Variants in MYO9B observed in about 807,000 individuals in gnomAD.
MYO9B encodes unconventional myosin-IXb.
In MYO9B, 71 loss-of-function variants were observed where a neutral mutation model predicts 229.5. That is an observed-to-expected ratio of 0.31 (90% confidence interval 0.26 to 0.38). The LOEUF (loss-of-function observed/expected upper bound fraction) is 0.38, where lower values mean the gene tolerates loss of function less well. MYO9B is among the 10% of genes least tolerant of loss of function. MYO9B has a pLI of 1.00. For synonymous variants in MYO9B, 1,185 were observed against 1,235.8 expected (o/e 0.96, Z 0.86); for missense variants, 2,255 against 2,920.5 (o/e 0.77, Z 5.25).
At position 17,200,398 on chromosome 19, in the gene MYO9B, A is replaced by C. The variant is rs769778528; in HGVS notation, c.4344A>C (p.Glu1448Asp). ...CAGTGTCCGGGCACGTGGTGCTGGA[A>C]GCCACCACCATGAAGAAGGGCCTGG... ...ENAVSGHVVLEATTMKKGLEA... is the reference protein window; with the variant it reads ...ENAVSGHVVLDATTMKKGLEA... The change falls in exon 25 of 40, where the codon GAA becomes GAC. Residue 1448 changes from glutamate to aspartate, a missense_variant. Glu to Asp is a conservative substitution (Grantham distance 45). Coordinates refer to ENST00000682292, the MANE Select transcript of MYO9B (RefSeq NM_004145.4). 8.8e-6 allele frequency: 14 copies of C among 1,592,656 alleles called. No individual in the cohort carries two copies. In the South Asian group the frequency reaches 1.5e-4, roughly 17 times the overall value.
At chr19:17,098,163 T>C (rs1348232263) in intron 1 of MYO9B, among the ~76,000 whole-genome samples, 1 of 151,508 alleles carries the variant, frequency 6.6e-6, no homozygotes, top group Admixed American at 6.6e-5. Context: ...CAAGCGATTC[T>C]CCTGCCTCAG....
intron 1 of MYO9B, among the ~76,000 whole-genome samples, chr19:17,094,303 G>A (rs1239699242): frequency 6.6e-6 from 1 of 152,052 alleles, no homozygotes; most frequent in African/African-American, 2.4e-5. Flanking sequence ...TCAAAGTACT[G>A]GAATTACAGG....
chr19:17,168,238 C>T (rs1254912151), intron 11 of MYO9B, among the ~76,000 whole-genome samples, 174 bp downstream of exon 11: 1 of 152,186 alleles, frequency 6.6e-6, no homozygotes, highest in Non-Finnish European at 1.5e-5. Context: ...AATCAAAGCT[C>T]ACTGCAGCCT....
intron 1 of MYO9B, among the ~76,000 whole-genome samples, chr19:17,085,891 A>G (rs1468782949): frequency 6.6e-6 from 1 of 152,046 alleles, no homozygotes; most frequent in African/African-American, 2.4e-5. Context: ...CTGCCCTTCC[A>G]GACCCGCGTC....
In MYO9B at chr19:17,195,192, C is replaced by T. The variant is rs1358643858; in HGVS notation, c.3765C>T (p.Ala1255=). 1.2e-6 allele frequency: 2 copies of T among 1,611,890 alleles called. No individual in the cohort carries two copies. The highest frequency in any genetic ancestry group is 1.7e-5 in the Admixed American group (1 of 59,868). Residue 1255 remains alanine, a synonymous_variant, in exon 22 of 40, where the codon GCC becomes GCT. Coordinates refer to ENST00000682292, the MANE Select transcript of MYO9B (RefSeq NM_004145.4). The surrounding 1 kb of genome is among the most constrained non-coding windows in gnomAD (Gnocchi z 4.5). ...AGTTGGAGCGGCCGACCAGCCTGGC[C>T]CTGGACAGCAGGGTCAGCCCACCGG... The part of the protein sequence containing the change: ...PGQLERPTSL[A]LDSRVSPPAP...
At chr19:17,205,167 G>T in intron 30 of MYO9B, 96 bp from the exon 31 acceptor site, 60 of 713,004 alleles carry the variant, frequency 8.4e-5, no homozygotes, top group Non-Finnish European at 1.2e-4. Flanking sequence ...AAAAAAAAAA[G>T]AAGGCAATTG....
At chr19:17,211,315 A>G (rs1433784276) in intron 38 of MYO9B, among the ~76,000 whole-genome samples, 1 of 152,012 alleles carries the variant, frequency 6.6e-6, no homozygotes, top group Non-Finnish European at 1.5e-5. Flanking sequence ...TCTGTCACCC[A>G]GGCTGGATTG....
chr19:17,183,957 TTCC>T, intron 16 of MYO9B, 89 bp downstream of exon 16: 1 of 1,254,736 alleles, frequency 8.0e-7, no homozygotes. Flanking sequence ...GCAACTTCAT[TTCC>T]TCCTCCTTCC....
intron 2 of MYO9B, among the ~76,000 whole-genome samples, chr19:17,142,312 A>G (rs901231078): frequency 3.3e-5 from 5 of 152,078 alleles, no homozygotes; most frequent in Non-Finnish European, 7.4e-5. Context: ...AGGGGAGGGA[A>G]ATGGGGAGGG....
intron 2 of MYO9B, among the ~76,000 whole-genome samples, chr19:17,138,350 G>A (rs995759702): frequency 1.3e-5 from 2 of 152,200 alleles, no homozygotes; most frequent in Middle Eastern, 3.4e-3. Context: ...GAATAGTGCC[G>A]CAGTAAACAT....
intron 13 of MYO9B, among the ~76,000 whole-genome samples, chr19:17,173,953 C>T (rs1446537009): frequency 1.3e-5 from 2 of 150,624 alleles, no homozygotes; most frequent in Non-Finnish European, 2.9e-5. Flanking sequence ...GGAAATAGTG[C>T]TCTGTTTTGG....
chr19:17,193,002 A>G lies in MYO9B; in HGVS notation c.3068A>G (p.His1023Arg). 1 of 1,505,092 alleles carries G rather than the reference A, an allele frequency of 6.6e-7. No individual in the cohort carries two copies. The highest frequency in any genetic ancestry group is 8.9e-7 in the Non-Finnish European group (1 of 1,121,498). 93.2% of individuals were successfully genotyped at this position (1,505,092 alleles called of 1,614,324 possible). A position where few individuals can be genotyped will look rare whatever the true frequency, so the allele number is the denominator to read the frequency against. Residue 1023 changes from histidine (H) to arginine (R), a missense_variant, in exon 21 of 40, where the codon CAC (histidine) becomes CGC (arginine). Transcript: ENST00000682292. The surrounding 1 kb of genome is among the most constrained non-coding windows in gnomAD (Gnocchi z 4.3). ...RGYWQRKLYR[H>R]QKQSIIRLQS... The stretch of plus-strand genomic sequence containing the variant: ...TACTGGCAGCGGAAGCTCTACCGGC[A>G]CCAGAAACAGAGCATCATCCGCCTG...
chr19:17,200,199 T>C, intron 24 of MYO9B, 94 bp from the exon 25 acceptor site: 1 of 1,457,348 alleles, frequency 6.9e-7, no homozygotes, highest in Non-Finnish European at 9.2e-7. Flanking sequence ...CAGGCATTGA[T>C]AGAGCATTTG....
chr19:17,152,433 C>A (rs2072488049), intron 3 of MYO9B, among the ~76,000 whole-genome samples: 1 of 136,780 alleles, frequency 7.3e-6, no homozygotes, highest in African/African-American at 2.6e-5. Context: ...TTGGCACACC[C>A]CTGTAGTTCC....
chr19:17,128,297 G>A (rs371126392), intron 2 of MYO9B, among the ~76,000 whole-genome samples: 5 of 152,006 alleles, frequency 3.3e-5, no homozygotes, highest in African/African-American at 1.2e-4. Flanking sequence ...AGTCTGAGGC[G>A]GGAGGATCGC....
At chr19:17,188,553 C>A (rs1344204727) in intron 19 of MYO9B, among the ~76,000 whole-genome samples, 2 of 152,094 alleles carry the variant, frequency 1.3e-5, no homozygotes, top group Admixed American at 1.3e-4. Flanking sequence ...CCCTTCATAG[C>A]CCCAGGGACT....
intron 1 of MYO9B, among the ~76,000 whole-genome samples, chr19:17,086,572 A>G: frequency 6.6e-6 from 1 of 152,162 alleles, no homozygotes; most frequent in Non-Finnish European, 1.5e-5. Context: ...CCTCGCCACA[A>G]GTGGTAACTT....
chr19:17,095,825 C>G (rs2057682611), intron 1 of MYO9B: 1 of 152,158 alleles, frequency 6.6e-6, no homozygotes, highest in South Asian at 2.1e-4. Flanking sequence ...TGCAGTGGCG[C>G]GATCTAGGCT....
At chr19:17,120,698 T>C (rs957167647) in intron 2 of MYO9B, among the ~76,000 whole-genome samples, 2 of 151,494 alleles carry the variant, frequency 1.3e-5, no homozygotes, top group African/African-American at 2.4e-5. Context: ...ATATCTCCTT[T>C]ATGCTAATTG....
Sources: allele counts gnomAD v4.1 joint callset (sites outside exome capture counted in the v4.1 genomes callset), GRCh38; gene constraint gnomAD v4.1.1; non-coding constraint Gnocchi (gnomAD v3.1); transcripts MANE v1.5; gene names NCBI Gene and HGNC (gene_info 2026-07-23, HGNC 2026-07-21).